TMEM232: variants seen among roughly 807,000 people sequenced by gnomAD.
TMEM232 encodes transmembrane protein 232.
Under a neutral mutation model 78.8 loss-of-function variants are expected in TMEM232, and 80 were observed. That is an observed-to-expected ratio of 1.01 (90% CI 0.85 to 1.22). The LOEUF (loss-of-function observed/expected upper bound fraction) is 1.22. TMEM232 is among the 50% of genes most tolerant of loss of function. The pLI, the probability that TMEM232 is intolerant of heterozygous loss-of-function variation, is 0.00. For synonymous variants in TMEM232, 297 were observed against 254.3 expected (o/e 1.17, Z -1.60); for missense variants, 881 against 742.2 (o/e 1.19, Z -2.17).
At chr5:110,641,884 T>C (rs1447464212) in intron 3 of TMEM232, among the ~76,000 whole-genome samples, 2 of 152,176 alleles carry the variant, frequency 1.3e-5, no homozygotes, top group Non-Finnish European at 2.9e-5. Context: ...TGAAGAATAG[T>C]TTGTTACAGA....
chr5:110,695,100 G>A (rs144689319), intron 1 of TMEM232, among the ~76,000 whole-genome samples: 33 of 152,234 alleles, frequency 2.2e-4, no homozygotes, highest in South Asian at 8.3e-4. Flanking sequence ...ATAACAAACT[G>A]TCTCTCAGAC....
intron 12 of TMEM232, among the ~76,000 whole-genome samples, chr5:110,526,228 C>A: frequency 1.4e-5 from 2 of 146,848 alleles, no homozygotes; most frequent in African/African-American, 2.5e-5. Context: ...CATTCTATTA[C>A]AAAGAAAAAT....
At position 110,605,097 on chromosome 5, in the gene TMEM232, C is replaced by A; in HGVS notation, c.1276+12G>T. On this transcript the variant is annotated intron_variant, in intron 10 of 13. Coordinates refer to ENST00000455884, the MANE Select transcript of TMEM232 (RefSeq NM_001039763.4). ...AAATATTACTCATCAAAGTAAAAAA[C>A]AATCTACTTACAGTTCTCTGACATT... 1 of 1,522,490 alleles carries A rather than the reference C, an allele frequency of 6.6e-7. No individual in the cohort carries two copies. Among genetic ancestry groups the A allele is most frequent in the Non-Finnish European group, 8.8e-7 (1 of 1,130,826 alleles). The allele number at this position is 1,522,490 out of a possible 1,614,324, so 94.3% of individuals were successfully genotyped here.
intron 1 of TMEM232, among the ~76,000 whole-genome samples, chr5:110,685,584 G>T (rs1793297891): frequency 6.6e-6 from 1 of 152,006 alleles, no homozygotes; most frequent in Admixed American, 6.6e-5. Flanking sequence ...TAACAATGTA[G>T]GAAATCTATT....
At chr5:110,667,098 T>C in intron 2 of TMEM232, 130 bp downstream of exon 2, 13 of 728,356 alleles carry the variant, frequency 1.8e-5, no homozygotes, top group Non-Finnish European at 2.8e-5. Context: ...ACAAGGCTAT[T>C]AAACAAATAG....
chr5:110,449,817 C>T (rs190794145), intron 12 of TMEM232, among the ~76,000 whole-genome samples: 4 of 152,050 alleles, frequency 2.6e-5, no homozygotes, highest in Non-Finnish European at 4.4e-5. Context: ...AAAATTTGTT[C>T]TTTTTCCTTT....
At chr5:110,551,567 C>T (rs1774466185) in intron 11 of TMEM232, among the ~76,000 whole-genome samples, 1 of 151,964 alleles carries the variant, frequency 6.6e-6, no homozygotes, top group African/African-American at 2.4e-5. Context: ...AAATAAGAGA[C>T]AATGGAGTAG....
At chr5:110,478,629 A>T (rs923778313) in intron 12 of TMEM232, among the ~76,000 whole-genome samples, 5 of 151,874 alleles carry the variant, frequency 3.3e-5, no homozygotes, top group African/African-American at 4.8e-5. Flanking sequence ...GGAAGATAGA[A>T]TAAGAAACTA....
chr5:110,567,187 G>A (rs1776441717), intron 11 of TMEM232, among the ~76,000 whole-genome samples: 1 of 151,842 alleles, frequency 6.6e-6, no homozygotes, highest in Admixed American at 6.6e-5. Flanking sequence ...TGGGGTCACA[G>A]CCAAACCATA....
chr5:110,393,719 G>C (rs1191218612), intron 3 of TMEM232, among the ~76,000 whole-genome samples: 1 of 151,994 alleles, frequency 6.6e-6, no homozygotes, highest in Non-Finnish European at 1.5e-5. Context: ...CATTTTGAGA[G>C]GCCGTGGTGG....
At chr5:110,566,342 G>A (rs1157291593) in intron 11 of TMEM232, among the ~76,000 whole-genome samples, 1 of 151,778 alleles carries the variant, frequency 6.6e-6, no homozygotes, top group Admixed American at 6.6e-5. Context: ...CTTGGTCATT[G>A]GCATTTGGCT....
At chr5:110,525,355 A>G (rs1770416148) in intron 12 of TMEM232, among the ~76,000 whole-genome samples, 1 of 152,068 alleles carries the variant, frequency 6.6e-6, no homozygotes, top group South Asian at 2.1e-4. Flanking sequence ...CCAAGTTAGT[A>G]GAGTGCAAAA....
intron 7 of TMEM232, among the ~76,000 whole-genome samples, chr5:110,623,425 C>T (rs1478665684): frequency 6.6e-6 from 1 of 152,132 alleles, no homozygotes; most frequent in African/African-American, 2.4e-5. Context: ...ATAAGGGCTA[C>T]AGGAATAAAT....
chr5:110,636,351 G>T (rs950751573), intron 5 of TMEM232, among the ~76,000 whole-genome samples: 1 of 151,752 alleles, frequency 6.6e-6, no homozygotes, highest in South Asian at 2.1e-4. Context: ...ACTAGAGTAG[G>T]GTGACTATAC....
At chr5:110,676,678 C>T (rs952752384) in intron 1 of TMEM232, among the ~76,000 whole-genome samples, 1 of 151,910 alleles carries the variant, frequency 6.6e-6, no homozygotes, top group Admixed American at 6.6e-5. Flanking sequence ...CTCCCTGCAG[C>T]CTCTGAAAGT....
At chr5:110,736,121 C>T (rs1799135494) in intron 1 of TMEM232, among the ~76,000 whole-genome samples, 1 of 152,114 alleles carries the variant, frequency 6.6e-6, no homozygotes, top group Non-Finnish European at 1.5e-5. Context: ...ATGCATTGGC[C>T]ACTTTATAAA....
At position 110,707,904 on chromosome 5, in the gene TMEM232, C is replaced by A. The variant is rs76332836; in HGVS notation, c.-13+18723G>T. ...GCTTATGAAGACATTTTTAGACACA[C>A]CCCGGGCCAAAAGGAAACCTGCTGC... On this transcript the variant is annotated intron_variant, in intron 1 of 13. Coordinates refer to ENST00000455884, the MANE Select transcript of TMEM232 (RefSeq NM_001039763.4). Among the ~76,000 whole-genome samples the A allele has an allele frequency of 5.3e-5, 8 of 152,302 alleles. No individual in the cohort carries two copies. In the East Asian group the frequency reaches 1.2e-3, roughly 22 times the overall value.
At chr5:110,727,334 G>A (rs947771942), upstream of TMEM232, among the ~76,000 whole-genome samples, 7 of 152,092 alleles carry the variant, frequency 4.6e-5, no homozygotes, top group African/African-American at 1.4e-4. Flanking sequence ...TACGTAGGCC[G>A]GGCGCAGTGG....
chr5:110,431,640 T>TTAAATAAA (rs3065620), intron 12 of TMEM232, among the ~76,000 whole-genome samples: 47,024 of 151,150 alleles, frequency 0.31, 12,846 homozygotes, highest in African/African-American at 0.73. Context: ...ATAAGTATAT[T>TTAAATAAA]TAAATAAATA....
Sources: gnomAD v4.1 joint callset for allele counts (sites outside exome capture counted in the v4.1 genomes callset) on GRCh38, gnomAD v4.1.1 for gene constraint, MANE v1.5 for transcripts, NCBI Gene and HGNC (gene_info 2026-07-23, HGNC 2026-07-21) for gene names.